METTL4: variants seen among roughly 807,000 people sequenced by gnomAD.
METTL4 encodes the protein methyltransferase 4, N6-adenosine, also known as N(6)-adenine-specific methyltransferase METTL4.
In METTL4, 40 loss-of-function variants were observed where a neutral mutation model predicts 54.0. That is an observed-to-expected ratio of 0.74 (90% CI 0.58 to 0.96). METTL4 has a LOEUF of 0.96. METTL4 is among the 50% of genes least tolerant of loss of function. The pLI, the probability that METTL4 is intolerant of heterozygous loss-of-function variation, is 0.00. For synonymous variants in METTL4, 169 were observed against 183.8 expected (o/e 0.92, Z 0.65); for missense variants, 525 against 549.0 (o/e 0.96, Z 0.44).
At chr18:2,547,680 A>T in intron 5 of METTL4, 151 bp from the exon 6 acceptor site, 1 of 519,434 alleles carries the variant, frequency 1.9e-6, no homozygotes. Context: ...AGTGACACCC[A>T]GTGGACATAT....
intron 4 of METTL4, chr18:2,554,391 G>T: frequency 6.5e-6 from 2 of 305,872 alleles, no homozygotes; most frequent in Non-Finnish European, 1.2e-5. Flanking sequence ...AAGTGATTTG[G>T]TTAAACACAA....
chr18:2,537,574 T>C lies in METTL4; in HGVS notation c.*1426A>G, dbSNP rs1292918074. On this transcript the variant is annotated 3_prime_UTR_variant, in exon 9 of 9. Transcript: ENST00000574538. ...AGTTTAATACCTTTTTCCTTTTAAA[T>C]AACAAGTTAGAATAGCTCCATAAAT... The C allele has an allele frequency of 7.6e-6, 2 of 264,082 alleles. No homozygotes were observed. Among genetic ancestry groups the C allele is most frequent in the Admixed American group, 5.3e-5 (1 of 18,826 alleles). 16.4% of individuals were successfully genotyped at this position (264,082 alleles called of 1,614,324 possible).
intron 5 of METTL4, among the ~76,000 whole-genome samples, chr18:2,549,188 G>T (rs1266116381): frequency 6.6e-6 from 1 of 151,988 alleles, no homozygotes; most frequent in Non-Finnish European, 1.5e-5. Context: ...CCTCTTAAAG[G>T]AAATGGCATG....
chr18:2,555,017 C>T lies in METTL4; in HGVS notation c.481G>A (p.Gly161Arg), dbSNP rs2072218941. Residue 161 changes from glycine (G) to arginine (R), a missense_variant, in exon 4 of 9, where the codon GGA becomes AGA. By Grantham distance (125) the Gly-to-Arg change is moderately radical. Transcript: ENST00000574538. Reference sequence around the variant, plus strand: ...CCTTCCTGGATCAACTGTAAAGATCCATCCAAAATCAGCTCCCTGATCTGT... The same window carrying T: ...CCTTCCTGGATCAACTGTAAAGATCTATCCAAAATCAGCTCCCTGATCTGT... ...HTKIRELILD[G>R]SLQLIQEGLK... 1 of 1,613,370 alleles carries T rather than the reference C, an allele frequency of 6.2e-7. No individual in the cohort carries two copies. Among genetic ancestry groups the T allele is most frequent in the Non-Finnish European group, 8.5e-7 (1 of 1,179,848 alleles).
chr18:2,546,722 T>C (rs1296392130), intron 6 of METTL4, among the ~76,000 whole-genome samples: 1 of 152,184 alleles, frequency 6.6e-6, no homozygotes, highest in Non-Finnish European at 1.5e-5. Context: ...TCTAAATTGA[T>C]GCCTTATTTT....
At chr18:2,556,608 T>C (rs2072242698) in intron 3 of METTL4, among the ~76,000 whole-genome samples, 1 of 152,112 alleles carries the variant, frequency 6.6e-6, no homozygotes, top group Non-Finnish European at 1.5e-5. Flanking sequence ...GTAGGTTTAC[T>C]TGCAGTCCAA....
chr18:2,553,719 A>C (rs796344584), intron 4 of METTL4: 9 of 152,170 alleles, frequency 5.9e-5, no homozygotes, highest in African/African-American at 1.9e-4. Flanking sequence ...AAACATAGGT[A>C]TATTTTTGTA....
chr18:2,558,627 T>TA (rs527853299), intron 3 of METTL4, among the ~76,000 whole-genome samples: 1,839 of 144,808 alleles, frequency 0.013, 24 homozygotes, highest in South Asian at 0.045. Context: ...AAAGAAATAA[T>TA]AAAAAAAAAC....
At chr18:2,540,752 G>A (rs1428600443) in intron 8 of METTL4, 4 of 985,234 alleles carry the variant, frequency 4.1e-6, no homozygotes, top group South Asian at 9.4e-5. Context: ...TGAATTTAAC[G>A]CCTCACCAGC....
chr18:2,552,136 T>G (rs2072171071), intron 5 of METTL4, among the ~76,000 whole-genome samples: 1 of 152,020 alleles, frequency 6.6e-6, no homozygotes, highest in Non-Finnish European at 1.5e-5. Context: ...GAGGTTCCAG[T>G]GAGCCAAGAT....
At chr18:2,558,230 T>G (rs1294446197) in intron 3 of METTL4, among the ~76,000 whole-genome samples, 1 of 151,590 alleles carries the variant, frequency 6.6e-6, no homozygotes, top group Admixed American at 6.6e-5. Context: ...TAAAACAAGG[T>G]TCTAGAAATG....
At chr18:2,548,191 A>G (rs573823691) in intron 5 of METTL4, among the ~76,000 whole-genome samples, 1 of 152,278 alleles carries the variant, frequency 6.6e-6, no homozygotes, top group South Asian at 2.1e-4. Context: ...CAAAATCTAT[A>G]ATCTTGTACC....
At chr18:2,547,042 C>T (rs979212542) in intron 6 of METTL4, among the ~76,000 whole-genome samples, 6 of 152,112 alleles carry the variant, frequency 3.9e-5, no homozygotes, top group South Asian at 2.1e-4. Flanking sequence ...TTTGGTGATA[C>T]ACAATTCCCC....
At chr18:2,543,868 G>C (rs73938958) in intron 8 of METTL4, among the ~76,000 whole-genome samples, 1 of 152,082 alleles carries the variant, frequency 6.6e-6, no homozygotes, top group African/African-American at 2.4e-5. Context: ...ATACAGCCCC[G>C]GTAGTAAAAT....
At chr18:2,556,218 G>A (rs1267153714) in intron 3 of METTL4, among the ~76,000 whole-genome samples, 2 of 152,056 alleles carry the variant, frequency 1.3e-5, no homozygotes, top group Admixed American at 6.6e-5. Context: ...AGAATAGTTA[G>A]TGCTCCCCAA....
At chr18:2,548,493 T>G (rs1318590132) in intron 5 of METTL4, among the ~76,000 whole-genome samples, 2 of 152,176 alleles carry the variant, frequency 1.3e-5, no homozygotes, top group African/African-American at 4.8e-5. Context: ...GAGATCCCAC[T>G]ACCTCACCAA....
chr18:2,539,078 T>C lies in METTL4; in HGVS notation c.1341A>G (p.Pro447=). Residue 447 remains proline (P), a synonymous_variant, in exon 9 of 9, where the codon CCA becomes CCG. Transcript: ENST00000574538. The part of the protein sequence containing the change: ...YLELFARNLQ[P]GWTSWGNEVL... ...CTTCATTGCCCCAACTAGTCCAACC[T>C]GGCTGTAAATTTCGAGCAAACAACT... The C allele has an allele frequency of 6.2e-7, 1 of 1,613,930 alleles. No homozygotes were observed. The highest frequency in any genetic ancestry group is 8.5e-7 in the Non-Finnish European group (1 of 1,179,836).
chr18:2,570,296 G>T (rs2072483891), intron 1 of METTL4, among the ~76,000 whole-genome samples: 1 of 152,166 alleles, frequency 6.6e-6, no homozygotes, highest in Non-Finnish European at 1.5e-5. Flanking sequence ...TGCACAGCAG[G>T]AATATCAGGA....
intron 7 of METTL4, among the ~76,000 whole-genome samples, 176 bp from the exon 8 acceptor site, chr18:2,544,462 T>C (rs2072040609): frequency 6.6e-6 from 1 of 151,992 alleles, no homozygotes; most frequent in Non-Finnish European, 1.5e-5. Context: ...TCATTTTCTA[T>C]AATAATGACA....
Sources: allele counts gnomAD v4.1 joint callset (sites outside exome capture counted in the v4.1 genomes callset), GRCh38; gene constraint gnomAD v4.1.1; transcripts MANE v1.5; gene names NCBI Gene and HGNC (gene_info 2026-07-23, HGNC 2026-07-21).